The following DCLK1 variants were observed in gnomAD, a reference collection of about 807,000 sequenced individuals.
DCLK1 encodes serine/threonine-protein kinase DCLK1.
DCLK1 carries 16 observed loss-of-function variants against 86.2 expected under a neutral mutation model. The observed-to-expected ratio is 0.19, with a 90% CI of 0.13 to 0.28. The LOEUF (loss-of-function observed/expected upper bound fraction) is 0.28, where lower values mean the gene tolerates loss of function less well. DCLK1 is among the 10% of genes least tolerant of loss of function. The pLI is 1.00. For missense variants in DCLK1, 590 were observed against 940.2 expected (o/e 0.63, Z 4.87); for synonymous variants, 369 against 370.5 (o/e 1.00, Z 0.05).
Position 35,867,038 on chromosome 13 carries a change from G to A in DCLK1, c.940+4186C>T, listed in dbSNP as rs965956974. 4.0e-4 allele frequency among the ~76,000 whole-genome samples: 61 copies of A among 152,130 alleles called. 1 individual carries two copies. The highest frequency in any genetic ancestry group is 4.4e-5 in the Non-Finnish European group (3 of 68,028). ...GCCGAATTCCTTAACCTCTGGGCCC[G>A]GTTCCAGGGAAAGGAGGTGGTCCTG... On this transcript the variant is annotated intron_variant, in intron 5 of 16. Transcript: ENST00000360631.
chr13:35,867,168 T>C (rs917493101), intron 5 of DCLK1, among the ~76,000 whole-genome samples: 3 of 152,236 alleles, frequency 2.0e-5, no homozygotes, highest in Non-Finnish European at 4.4e-5. Context: ...TCACTTTTGG[T>C]AGCAAGTCAG....
chr13:35,874,634 A>G (rs533506971), intron 4 of DCLK1, among the ~76,000 whole-genome samples: 5 of 152,352 alleles, frequency 3.3e-5, no homozygotes, highest in Non-Finnish European at 7.3e-5. Context: ...AAAAAAATCT[A>G]TACATACAGG....
At chr13:35,902,763 C>T (rs948263603) in intron 4 of DCLK1, among the ~76,000 whole-genome samples, 2 of 152,086 alleles carry the variant, frequency 1.3e-5, no homozygotes, top group Non-Finnish European at 2.9e-5. Flanking sequence ...GGCAGGGCCT[C>T]CTAACACTTC....
chr13:35,848,393 G>T (rs1870368012), intron 6 of DCLK1: 3 of 984,838 alleles, frequency 3.0e-6, no homozygotes, highest in Non-Finnish European at 3.6e-6. Context: ...TAAATGGTGT[G>T]CTGTTTCAAT....
intron 3 of DCLK1, among the ~76,000 whole-genome samples, chr13:36,003,650 C>A (rs55964039): frequency 0.36 from 55,321 of 151,906 alleles, 11,229 homozygotes; most frequent in Non-Finnish European, 0.45. Context: ...TACAGCCTAT[C>A]AAAATTATAT....
In DCLK1 at chr13:35,806,676, C is replaced by A. The variant is rs1465912867; in HGVS notation, c.1864-897G>T. On this transcript the variant is annotated intron_variant, in intron 14 of 16. Transcript: ENST00000360631. ...TCAGTTTCTAACTTGGATCAGAACT[C>A]GTGAAAGTATCTGCTGTGTGTGATG... 2.0e-5 allele frequency among the ~76,000 whole-genome samples: 3 copies of A among 152,168 alleles called. No homozygotes were observed. The East Asian group carries it at 5.8e-4, about 29-fold the overall frequency.
intron 3 of DCLK1, among the ~76,000 whole-genome samples, chr13:36,106,295 G>T (rs1262114468): frequency 6.6e-6 from 1 of 151,998 alleles, no homozygotes; most frequent in Non-Finnish European, 1.5e-5. Flanking sequence ...TATTGACCAA[G>T]GATATGTGAC....
intron 4 of DCLK1, among the ~76,000 whole-genome samples, chr13:35,887,180 T>A (rs1873321845): frequency 1.3e-5 from 2 of 152,218 alleles, no homozygotes; most frequent in African/African-American, 4.8e-5. Flanking sequence ...TACATGTTAG[T>A]AAATTGCTTG....
At chr13:35,887,878 CAAAAAAAAAAAAAAAAAAAA>C (rs760195385) in intron 4 of DCLK1, among the ~76,000 whole-genome samples, 2 of 38,742 alleles carry the variant, frequency 5.2e-5, no homozygotes, top group Non-Finnish European at 4.9e-5. Context: ...GATCTTGTCT[CAAAAAAAAAAAAAAAAAAAA>C]AAAAAAAAAA....
In DCLK1 at chr13:35,962,356, C is replaced by T. The variant is rs1215544983; in HGVS notation, c.724-14899G>A. ...GGACAAAGACACAGGAAGAATGGCACGTGAATATAAAGGCAGAGGTTGGAA... is the reference window on the plus strand; with the variant it reads ...GGACAAAGACACAGGAAGAATGGCATGTGAATATAAAGGCAGAGGTTGGAA... On this transcript the variant is annotated intron_variant, in intron 3 of 16. Coordinates refer to ENST00000360631, the MANE Select transcript of DCLK1 (RefSeq NM_001330071.2). 9.9e-5 allele frequency among the ~76,000 whole-genome samples: 15 copies of T among 152,184 alleles called. 1 individual carries two copies. Among genetic ancestry groups the T allele is most frequent in the South Asian group, 8.3e-4 (4 of 4,822 alleles).
chr13:35,865,039 A>G (rs1393357658), intron 5 of DCLK1, among the ~76,000 whole-genome samples: 1 of 152,182 alleles, frequency 6.6e-6, no homozygotes, highest in African/African-American at 2.4e-5. Context: ...TTCAAGATAA[A>G]CACAGTTTTC....
At chr13:36,121,209 C>T (rs552092586) in intron 2 of DCLK1, among the ~76,000 whole-genome samples, 1 of 152,186 alleles carries the variant, frequency 6.6e-6, no homozygotes, top group South Asian at 2.1e-4. Flanking sequence ...TTGGATGTAC[C>T]AGTATGGAAA....
At chr13:36,019,614 C>T (rs1163235924) in intron 3 of DCLK1, among the ~76,000 whole-genome samples, 1 of 152,180 alleles carries the variant, frequency 6.6e-6, no homozygotes, top group Non-Finnish European at 1.5e-5. Flanking sequence ...TATCACGATT[C>T]TAAACATCAT....
intron 3 of DCLK1, among the ~76,000 whole-genome samples, chr13:36,023,902 T>TTTC (rs386378800): frequency 0.03 from 3 of 100 alleles, no homozygotes; most frequent in Admixed American, 0.1. Flanking sequence ...TCTTTCTTTC[T>TTTC]TTTTTTTTTT....
At chr13:36,001,354 C>T (rs1880707390) in intron 3 of DCLK1, among the ~76,000 whole-genome samples, 1 of 152,180 alleles carries the variant, frequency 6.6e-6, no homozygotes, top group African/African-American at 2.4e-5. Flanking sequence ...CTTTCAGCAA[C>T]ATCAAAGTAA....
intron 3 of DCLK1, among the ~76,000 whole-genome samples, chr13:36,019,363 C>T (rs1881673180): frequency 6.6e-6 from 1 of 152,194 alleles, no homozygotes; most frequent in African/African-American, 2.4e-5. Context: ...CTGAACCTTT[C>T]TCCTTCTAGC....
intron 3 of DCLK1, among the ~76,000 whole-genome samples, chr13:36,106,105 T>A (rs1885386928): frequency 6.6e-6 from 1 of 152,162 alleles, no homozygotes; most frequent in Non-Finnish European, 1.5e-5. Flanking sequence ...TAGAATGCAA[T>A]TTACAGAAAA....
At chr13:36,034,397 A>C (rs574182928) in intron 3 of DCLK1, among the ~76,000 whole-genome samples, 30 of 152,258 alleles carry the variant, frequency 2.0e-4, no homozygotes, top group South Asian at 2.1e-4. Context: ...TTTTGTTTTT[A>C]TTTTGAAATC....
chr13:35,954,822 A>G (rs1877889544), intron 3 of DCLK1, among the ~76,000 whole-genome samples: 1 of 152,176 alleles, frequency 6.6e-6, no homozygotes, highest in East Asian at 1.9e-4. Context: ...TTAAAACATG[A>G]AGCTCTAAGA....
Sources: allele counts gnomAD v4.1 joint callset (sites outside exome capture counted in the v4.1 genomes callset), GRCh38; gene constraint gnomAD v4.1.1; transcripts MANE v1.5; gene names NCBI Gene and HGNC (gene_info 2026-07-23, HGNC 2026-07-21).